LRMDA: variants seen among roughly 807,000 people sequenced by gnomAD.
LRMDA encodes the protein leucine rich melanocyte differentiation associated.
Under a neutral mutation model 29.8 loss-of-function variants are expected in LRMDA, and 18 were observed. The observed-to-expected ratio is 0.60, with a 90% CI of 0.42 to 0.90. The LOEUF is 0.90. LRMDA is among the 40% of genes least tolerant of loss of function. The pLI is 0.00. For synonymous variants in LRMDA, 125 were observed against 109.4 expected (o/e 1.14, Z -0.89); for missense variants, 273 against 273.9 (o/e 1.00, Z 0.02).
intron 6 of LRMDA, among the ~76,000 whole-genome samples, chr10:76,363,737 A>G (rs1274716048): frequency 1.3e-5 from 2 of 152,046 alleles, no homozygotes; most frequent in African/African-American, 4.8e-5. Flanking sequence ...GAAGGGTAGA[A>G]CTTCTTTCTT....
At chr10:76,193,679 C>T (rs553692582) in intron 5 of LRMDA, among the ~76,000 whole-genome samples, 14 of 152,126 alleles carry the variant, frequency 9.2e-5, no homozygotes, top group African/African-American at 3.1e-4. Flanking sequence ...AATATATGCC[C>T]ATGAAACTGA....
chr10:75,479,582 C>CTCAT lies in LRMDA; in HGVS notation c.131+41106_131+41109dup, dbSNP rs1263319791. ...AGGAAGAGGCATCCTGAAGGAGCCA[C>CTCAT]TCATTCATTCATTCATTCATTTACT... On this transcript the variant is annotated intron_variant, in intron 2 of 6. Transcript: ENST00000611255. Among the ~76,000 whole-genome samples the CTCAT allele has an allele frequency of 4.1e-4, 62 of 151,770 alleles. 1 individual carries two copies. The highest frequency in any genetic ancestry group is 8.2e-4 in the African/African-American group (34 of 41,374).
rs187293062 is a variant in LRMDA at position 76,141,993 on chromosome 10, G to A, written c.516+83210G>A. Reference sequence around the variant, plus strand: ...GCCCCCTTACCTAGATTCTACTCTTGACTCATAATACTGCCCCACTTGGGC... The same window carrying A: ...GCCCCCTTACCTAGATTCTACTCTTAACTCATAATACTGCCCCACTTGGGC... On this transcript the variant is annotated intron_variant, in intron 5 of 6. Transcript: ENST00000611255. 1.5e-3 allele frequency among the ~76,000 whole-genome samples: 228 copies of A among 152,006 alleles called. 1 individual carries two copies. Among genetic ancestry groups the A allele is most frequent in the Middle Eastern group, 3.4e-3 (1 of 294 alleles).
rs115261613 is a variant in LRMDA at position 76,416,431 on chromosome 10, T to G, written c.601+91946T>G. ...GACAGGCCATCTAACTTCTTTAAGC[T>G]TTTTTGTCCTAATCTTTAGAATAAT... On this transcript the variant is annotated intron_variant, in intron 6 of 6. Coordinates refer to ENST00000611255, the MANE Select transcript of LRMDA (RefSeq NM_001305581.2). Among the ~76,000 whole-genome samples the G allele has an allele frequency of 2.9e-3, 435 of 152,338 alleles. 1 individual carries two copies. The highest frequency in any genetic ancestry group is 9.6e-3 in the African/African-American group (399 of 41,582).
chr10:76,553,176 C>T (rs1003211965), intron 6 of LRMDA, among the ~76,000 whole-genome samples: 8 of 152,146 alleles, frequency 5.3e-5, no homozygotes, highest in African/African-American at 9.7e-5. Flanking sequence ...CAGGGTCTTT[C>T]GAAAAGAAAC....
chr10:76,226,740 A>G (rs1851965270), intron 5 of LRMDA, among the ~76,000 whole-genome samples: 1 of 152,194 alleles, frequency 6.6e-6, no homozygotes, highest in African/African-American at 2.4e-5. Flanking sequence ...GTGGTGACAC[A>G]GAGCCAAACC....
chr10:75,903,416 G>A (rs78303933), intron 2 of LRMDA, among the ~76,000 whole-genome samples: 3,758 of 152,226 alleles, frequency 0.025, 152 homozygotes, highest in African/African-American at 0.086. Context: ...CATTACTATT[G>A]CCATTATTGA....
At chr10:75,581,389 T>C (rs186927665) in intron 2 of LRMDA, among the ~76,000 whole-genome samples, 1 of 152,166 alleles carries the variant, frequency 6.6e-6, no homozygotes, top group Non-Finnish European at 1.5e-5. Context: ...CCAGTTAGAA[T>C]GGTGATCATT....
At chr10:76,387,258 A>G (rs10762722) in intron 6 of LRMDA, among the ~76,000 whole-genome samples, 85,990 of 152,086 alleles carry the variant, frequency 0.57, 29,557 homozygotes, top group Non-Finnish European at 0.79. Flanking sequence ...TATATGAAGG[A>G]AAACTGAAAA....
chr10:76,482,185 T>C (rs1259866825), intron 6 of LRMDA, among the ~76,000 whole-genome samples: 1 of 152,026 alleles, frequency 6.6e-6, no homozygotes, highest in Non-Finnish European at 1.5e-5. Context: ...TTATAGGTCA[T>C]TAAATATGCC....
intron 6 of LRMDA, among the ~76,000 whole-genome samples, chr10:76,419,790 T>C (rs961486154): frequency 6.6e-6 from 1 of 152,114 alleles, no homozygotes; most frequent in Admixed American, 6.5e-5. Flanking sequence ...TTGGTTATTA[T>C]TGAGTTTTAA....
intron 2 of LRMDA, among the ~76,000 whole-genome samples, chr10:75,852,824 T>C (rs1244312772): frequency 6.6e-6 from 1 of 152,142 alleles, no homozygotes; most frequent in Admixed American, 6.6e-5. Flanking sequence ...ATAGGCTCCA[T>C]AGATGGGGGT....
At position 75,890,733 on chromosome 10, in the gene LRMDA, C is replaced by T. The variant is rs548942327; in HGVS notation, c.132-145275C>T. Among the ~76,000 whole-genome samples the T allele has an allele frequency of 2.0e-5, 3 of 152,290 alleles. No individual in the cohort carries two copies. In the East Asian group the frequency reaches 5.8e-4, roughly 29 times the overall value. The stretch of plus-strand genomic sequence containing the variant: ...GCCAGCTGGCCATGGTATAGAGCTA[C>T]TGTAGTGTTGTGTCATGTCATGTTG... On this transcript the variant is annotated intron_variant, in intron 2 of 6. Transcript: ENST00000611255.
chr10:76,405,470 G>A (rs1198094934), intron 6 of LRMDA, among the ~76,000 whole-genome samples: 3 of 152,144 alleles, frequency 2.0e-5, no homozygotes, highest in Non-Finnish European at 4.4e-5. Context: ...AGCCCTGCCA[G>A]GAACAGTGCG....
At chr10:76,385,142 A>G (rs1051408094) in intron 6 of LRMDA, among the ~76,000 whole-genome samples, 6 of 152,184 alleles carry the variant, frequency 3.9e-5, no homozygotes, top group Admixed American at 2.6e-4. Flanking sequence ...ACTCTTTCCC[A>G]TTTGAATGCC....
intron 6 of LRMDA, among the ~76,000 whole-genome samples, chr10:76,374,299 T>C (rs1841489668): frequency 6.6e-6 from 1 of 152,178 alleles, no homozygotes; most frequent in Non-Finnish European, 1.5e-5. Context: ...ATTGTGACCA[T>C]ATTCTCTAAG....
chr10:76,463,917 A>ATTTTTTTTTT (rs763472626), intron 6 of LRMDA, among the ~76,000 whole-genome samples: 21,799 of 111,230 alleles, frequency 0.2, 2,706 homozygotes, highest in Non-Finnish European at 0.26. Context: ...TGCAAAATAA[A>ATTTTTTTTTT]TTTTTTTTTT....
At chr10:75,511,271 G>C (rs1845223135) in intron 2 of LRMDA, among the ~76,000 whole-genome samples, 1 of 152,154 alleles carries the variant, frequency 6.6e-6, no homozygotes, top group African/African-American at 2.4e-5. Flanking sequence ...GGAGGTCAAG[G>C]GTGCGGTGAG....
chr10:75,594,301 A>T (rs184988441), intron 2 of LRMDA, among the ~76,000 whole-genome samples: 36 of 152,280 alleles, frequency 2.4e-4, no homozygotes, highest in South Asian at 6.2e-4. Flanking sequence ...CTCCTAGGCC[A>T]CCAGGGAATA....
Sources: allele counts gnomAD v4.1 joint callset (sites outside exome capture counted in the v4.1 genomes callset), GRCh38; gene constraint gnomAD v4.1.1; transcripts MANE v1.5; gene names NCBI Gene and HGNC (gene_info 2026-07-23, HGNC 2026-07-21).